RNLS: variants seen among roughly 807,000 people sequenced by gnomAD.
The protein encoded by RNLS is renalase, FAD dependent amine oxidase, also known as renalase.
Under a neutral mutation model 39.8 loss-of-function variants are expected in RNLS, and 39 were observed. The ratio of observed to expected loss-of-function variants is 0.98; its 90% CI spans 0.76 to 1.28. The LOEUF is 1.28. RNLS is among the 50% of genes most tolerant of loss of function. The pLI is 0.00. For missense variants in RNLS, 410 were observed against 413.3 expected (o/e 0.99, Z 0.07); for synonymous variants, 147 against 150.7 (o/e 0.98, Z 0.18).
intron 6 of RNLS, among the ~76,000 whole-genome samples, chr10:88,299,200 C>T (rs961700174): frequency 6.6e-6 from 1 of 152,184 alleles, no homozygotes; most frequent in African/African-American, 2.4e-5. Context: ...TCCTTTGCAA[C>T]ATTTTCTCCA....
At chr10:88,545,212 C>T (rs1215807432) in intron 4 of RNLS, among the ~76,000 whole-genome samples, 12 of 152,122 alleles carry the variant, frequency 7.9e-5, no homozygotes, top group Admixed American at 5.2e-4. Context: ...AAGATTTTCC[C>T]TTATCTTATC....
At chr10:88,448,892 T>C (rs1427350591) in intron 4 of RNLS, among the ~76,000 whole-genome samples, 1 of 152,122 alleles carries the variant, frequency 6.6e-6, no homozygotes, top group African/African-American at 2.4e-5. Flanking sequence ...CAGCAAACTA[T>C]GGCAAAGACA....
Position 88,309,391 on chromosome 10 carries a change from A to T in RNLS, c.876+5075T>A, listed in dbSNP as rs1435018892. On this transcript the variant is annotated intron_variant, in intron 6 of 6. Coordinates refer to ENST00000331772, the MANE Select transcript of RNLS (RefSeq NM_001031709.3). The stretch of plus-strand genomic sequence containing the variant: ...AAATTAGACACTATTACTCACCAGA[A>T]ATTAATCTCATGAGGGGATAATGTA... 3 of 1,288,182 alleles carry T rather than the reference A, an allele frequency of 2.3e-6. No individual in the cohort carries two copies. In the Admixed American group the frequency reaches 6.9e-5, roughly 30 times the overall value. 79.8% of individuals were successfully genotyped at this position (1,288,182 alleles called of 1,614,324 possible).
At chr10:88,362,796 A>T in intron 4 of RNLS, 71 bp from the exon 5 acceptor site, 2 of 1,457,218 alleles carry the variant, frequency 1.4e-6, no homozygotes, top group South Asian at 1.4e-5. Context: ...CAAATATAAA[A>T]TTCCTTTAAA....
At chr10:88,582,553 G>T (rs1241572823) in intron 1 of RNLS, among the ~76,000 whole-genome samples, 1 of 152,148 alleles carries the variant, frequency 6.6e-6, no homozygotes, top group Non-Finnish European at 1.5e-5. Flanking sequence ...TAAAAATGAT[G>T]AAAGAAATGT....
intron 5 of RNLS, among the ~76,000 whole-genome samples, chr10:88,328,167 C>G (rs758186889): frequency 2.1e-4 from 32 of 152,314 alleles, no homozygotes; most frequent in Admixed American, 3.9e-4. Flanking sequence ...TTCAGCCTCC[C>G]AAAGTGCTGG....
At chr10:88,471,354 C>A (rs964554223) in intron 4 of RNLS, among the ~76,000 whole-genome samples, 2 of 152,130 alleles carry the variant, frequency 1.3e-5, no homozygotes, top group Non-Finnish European at 2.9e-5. Flanking sequence ...AAAAGTGGAA[C>A]TGCTAGGTCA....
At chr10:88,314,792 C>T in intron 5 of RNLS, 151 bp from the exon 6 acceptor site, 1 of 627,056 alleles carries the variant, frequency 1.6e-6, no homozygotes, top group South Asian at 3.3e-5. Flanking sequence ...ATAAATTAGG[C>T]ATTTCTGAAA....
intron 4 of RNLS, among the ~76,000 whole-genome samples, chr10:88,423,244 T>C (rs1395543170): frequency 1.3e-5 from 2 of 152,356 alleles, no homozygotes; most frequent in East Asian, 1.9e-4. Context: ...AAGAATGGCA[T>C]GATTAGGCTT....
At chr10:88,498,421 T>C (rs1352151306) in intron 4 of RNLS, among the ~76,000 whole-genome samples, 1 of 151,378 alleles carries the variant, frequency 6.6e-6, no homozygotes, top group African/African-American at 2.4e-5. Context: ...GGAATAGTTC[T>C]AGATTAAAGA....
At chr10:88,306,811 C>T in intron 6 of RNLS, among the ~76,000 whole-genome samples, 1 of 152,246 alleles carries the variant, frequency 6.6e-6, no homozygotes, top group South Asian at 2.1e-4. Context: ...AGGGACCCCT[C>T]CCTAACTCAT....
At chr10:88,178,975 A>T in the RNLS span, among the ~76,000 whole-genome samples, 1 of 152,330 alleles carries the variant, frequency 6.6e-6, no homozygotes, top group South Asian at 2.1e-4. Context: ...GTCAAGTGCT[A>T]TTGTAGATGC....
At chr10:88,575,159 TACAC>T (rs375572767) in intron 3 of RNLS, among the ~76,000 whole-genome samples, 2,687 of 42,890 alleles carry the variant, frequency 0.063, 52 homozygotes, top group Middle Eastern at 0.14. Flanking sequence ...TATATATATA[TACAC>T]ACACACACAC....
At chr10:88,524,960 CATATATATATATATATATATATATAT>C (rs772272529) in intron 4 of RNLS, among the ~76,000 whole-genome samples, 1 of 88,970 alleles carries the variant, frequency 1.1e-5, no homozygotes, top group Non-Finnish European at 2.2e-5. Flanking sequence ...CACACACATA[CATATATATATATATATATATATATAT>C]ATATATATAT....
the RNLS span, among the ~76,000 whole-genome samples, chr10:88,204,337 C>G: frequency 2.0e-5 from 3 of 152,180 alleles, no homozygotes; most frequent in Non-Finnish European, 4.4e-5. Flanking sequence ...ACACTCCAAA[C>G]AGGGTCAGAC....
chr10:88,401,177 A>C (rs1852894837), intron 4 of RNLS, among the ~76,000 whole-genome samples: 1 of 151,954 alleles, frequency 6.6e-6, no homozygotes, highest in Non-Finnish European at 1.5e-5. Flanking sequence ...TGCACTTCTG[A>C]TTATTCTGAG....
At chr10:88,290,796 CT>C (rs1843618442) in intron 6 of RNLS, among the ~76,000 whole-genome samples, 1 of 152,172 alleles carries the variant, frequency 6.6e-6, no homozygotes, top group South Asian at 2.1e-4. Context: ...GTCTAAAACA[CT>C]GGCAATGTGG....
chr10:88,287,547 T>C (rs1036490617), intron 6 of RNLS, among the ~76,000 whole-genome samples: 1 of 152,140 alleles, frequency 6.6e-6, no homozygotes, highest in Admixed American at 6.6e-5. Flanking sequence ...AATAGTCTAA[T>C]AGCAAGGGAT....
At chr10:88,552,623 T>C (rs956221801) in intron 4 of RNLS, among the ~76,000 whole-genome samples, 1 of 152,200 alleles carries the variant, frequency 6.6e-6, no homozygotes, top group Non-Finnish European at 1.5e-5. Flanking sequence ...ACAATTGTGT[T>C]CACAGATTTT....
Sources: allele counts gnomAD v4.1 joint callset (sites outside exome capture counted in the v4.1 genomes callset), GRCh38; gene constraint gnomAD v4.1.1; transcripts MANE v1.5; gene names NCBI Gene and HGNC (gene_info 2026-07-23, HGNC 2026-07-21).